The following FGFR4 variants were observed in gnomAD, a reference collection of about 807,000 sequenced individuals.
FGFR4 encodes fibroblast growth factor receptor 4.
In FGFR4, 63 loss-of-function variants were observed where a neutral mutation model predicts 89.9. The ratio of observed to expected loss-of-function variants is 0.70; its 90% CI spans 0.57 to 0.86. The LOEUF (loss-of-function observed/expected upper bound fraction) is 0.86. FGFR4 is among the 40% of genes least tolerant of loss of function. The probability of loss-of-function intolerance (pLI) is 0.00; values close to 1 mark genes in which losing one functional copy is unlikely to be tolerated. For synonymous variants in FGFR4, 486 were observed against 479.4 expected, an observed-to-expected ratio of 1.01 and a Z score of -0.18; for missense variants, 928 against 1,106.7, an observed-to-expected ratio of 0.84 and a Z score of 2.29.
In FGFR4 at chr5:177,096,042, C is replaced by A. The variant is rs1178310877; in HGVS notation, c.1822-15C>A. 7 of 1,610,924 alleles carry A rather than the reference C, an allele frequency of 4.3e-6. No homozygotes were observed. Among genetic ancestry groups the A allele is most frequent in the Non-Finnish European group, 5.9e-6 (7 of 1,178,670 alleles). ...GCCAGGTGTCCTGAGGCACCCAAGC[C>A]CCCGCTCCCTGCAGTGTATCCACCG... On this transcript the variant is annotated splice_polypyrimidine_tract_variant and intron_variant, in intron 13 of 17. Coordinates refer to ENST00000292408, the MANE Select transcript of FGFR4 (RefSeq NM_213647.3).
chr5:177,096,833 C>A, intron 16 of FGFR4, 92 bp downstream of exon 16: 1 of 1,438,042 alleles, frequency 7.0e-7, no homozygotes. Flanking sequence ...GCCAGAAGGA[C>A]AACACTAACA....
chr5:177,093,587 C>A lies in FGFR4; in HGVS notation c.1397+36C>A, dbSNP rs1473010197. 1.2e-6 allele frequency: 2 copies of A among 1,612,222 alleles called. No homozygotes were observed. The highest frequency in any genetic ancestry group is 2.7e-5 in the African/African-American group (2 of 74,912). On this transcript the variant is annotated intron_variant, in intron 10 of 17. Coordinates refer to ENST00000292408, the MANE Select transcript of FGFR4 (RefSeq NM_213647.3). The surrounding 1 kb of genome is among the most constrained non-coding windows in gnomAD (Gnocchi z 5.8). ...CTGTGTGGGGGCAGGGACGCGGGCG[C>A]CGGGTTGCAGCCCGCCCTCCGCAGG... is the stretch of plus-strand genomic sequence containing the variant.
In FGFR4 at chr5:177,093,567, T is replaced by TA; in HGVS notation, c.1397+16_1397+17insA. 2 of 1,612,634 alleles carry TA rather than the reference T, an allele frequency of 1.2e-6. No individual in the cohort carries two copies. The highest frequency in any genetic ancestry group is 1.7e-6 in the Non-Finnish European group (2 of 1,178,926). ...CCCGGGACAGGTGCGCTGAGCTGTG[T>TA]GGGGGCAGGGACGCGGGCGCCGGGT... On this transcript the variant is annotated intron_variant, in intron 10 of 17. Transcript: ENST00000292408. The surrounding 1 kb of genome is among the most constrained non-coding windows in gnomAD (Gnocchi z 5.8).
At position 177,097,292 on chromosome 5, in the gene FGFR4, G is replaced by A. The variant is rs200192467; in HGVS notation, c.2154G>A (p.Leu718=). 7.5e-6 allele frequency: 12 copies of A among 1,600,190 alleles called. No individual in the cohort carries two copies. In the Admixed American group the frequency reaches 1.5e-4, roughly 21 times the overall value. ...MDRPPHCPPE[L]YGLMRECWHA... is the part of the protein sequence containing the mutation. The stretch of plus-strand genomic sequence containing the variant: ...TGACCCTCCGCCCCACCTCTCGCAG[G>A]TACGGGCTGATGCGTGAGTGCTGGC... Residue 718 remains leucine, a splice_region_variant and synonymous_variant, in exon 17 of 18, where the codon CTG becomes CTA. Transcript: ENST00000292408.
At position 177,095,393 on chromosome 5, in the gene FGFR4, G is replaced by T; in HGVS notation, c.1583G>T (p.Gly528Val). 5 of 1,614,170 alleles carry T rather than the reference G, an allele frequency of 3.1e-6. No homozygotes were observed. Among genetic ancestry groups the T allele is most frequent in the East Asian group, 2.2e-5 (1 of 44,880 alleles). The change falls in exon 12 of 18, where the codon GGC becomes GTC. Residue 528 changes from glycine (G) to valine (V), a missense_variant. By Grantham distance (109) the Gly-to-Val change is moderately radical (BLOSUM62 -3). Coordinates refer to ENST00000292408, the MANE Select transcript of FGFR4 (RefSeq NM_213647.3). The surrounding 1 kb of genome is among the most constrained non-coding windows in gnomAD (Gnocchi z 5.7). ...VSEMEVMKLIGRHKNIINLLG... is the reference protein window; with the variant it reads ...VSEMEVMKLIVRHKNIINLLG... The stretch of plus-strand genomic sequence containing the variant: ...GAGATGGAGGTGATGAAGCTGATCG[G>T]CCGACACAAGAACATCATCAACCTG...
rs146533162 is a variant in FGFR4 at position 177,096,735 on chromosome 5, C to A, written c.2147C>A (p.Pro716Gln). ...ATGGACCGACCCCCACACTGCCCCCCAGAGCTGTGAGGCCTCACCCTGCCC... is the reference window on the plus strand; with the variant it reads ...ATGGACCGACCCCCACACTGCCCCCAAGAGCTGTGAGGCCTCACCCTGCCC... ...HRMDRPPHCPPELYGLMRECW... is the reference protein window; with the variant it reads ...HRMDRPPHCPQELYGLMRECW... Residue 716 changes from proline (P) to glutamine (Q), a missense_variant, in exon 16 of 18, where the codon CCA (proline) becomes CAA (glutamine). Coordinates refer to ENST00000292408, the MANE Select transcript of FGFR4 (RefSeq NM_213647.3). 9.9e-5 allele frequency: 157 copies of A among 1,578,284 alleles called. 2 individuals are homozygous for A. The African/African-American group carries it at 1.8e-3, about 18-fold the overall frequency.
At chr5:177,089,213 T>C in intron 1 of FGFR4, among the ~76,000 whole-genome samples, 1 of 152,166 alleles carries the variant, frequency 6.6e-6, no homozygotes, top group East Asian at 1.9e-4. Context: ...AAAAAAGAAA[T>C]TATGTGTGCC....
In FGFR4 at chr5:177,095,520, A is replaced by G; in HGVS notation, c.1631-13A>G. The G allele has an allele frequency of 6.2e-7, 1 of 1,610,912 alleles. No individual in the cohort carries two copies. The highest frequency in any genetic ancestry group is 8.5e-7 in the Non-Finnish European group (1 of 1,178,524). The stretch of plus-strand genomic sequence containing the variant: ...TTGGCAGCCTCTCCACGCTCCCTCC[A>G]CTCCCTCTGCAGGGCCCCTGTACGT... On this transcript the variant is annotated splice_polypyrimidine_tract_variant and intron_variant, in intron 12 of 17. Coordinates refer to ENST00000292408, the MANE Select transcript of FGFR4 (RefSeq NM_213647.3). This position sits in a 1 kb window ranked among gnomAD's most constrained non-coding sequence, Gnocchi z 5.7.
chr5:177,097,328 C>T lies in FGFR4; in HGVS notation c.2190C>T (p.Pro730=). 6.2e-7 allele frequency: 1 copy of T among 1,611,042 alleles called. No homozygotes were observed. Among genetic ancestry groups the T allele is most frequent in the Non-Finnish European group, 8.5e-7 (1 of 1,179,068 alleles). Residue 730 remains proline (P), a synonymous_variant, in exon 17 of 18, where the codon CCC becomes CCT. Coordinates refer to ENST00000292408, the MANE Select transcript of FGFR4 (RefSeq NM_213647.3). Reference sequence around the variant, plus strand: ...TGCGTGAGTGCTGGCACGCAGCGCCCTCCCAGAGGCCTACCTTCAAGCAGC... The same window carrying T: ...TGCGTGAGTGCTGGCACGCAGCGCCTTCCCAGAGGCCTACCTTCAAGCAGC... The part of the protein sequence containing the change: ...GLMRECWHAA[P]SQRPTFKQLV...
At position 177,093,909 on chromosome 5, in the gene FGFR4, A is replaced by C. The variant is rs1051335502; in HGVS notation, c.1519+134A>C. On this transcript the variant is annotated intron_variant, in intron 11 of 17. Transcript: ENST00000292408. The surrounding 1 kb of genome is among the most constrained non-coding windows in gnomAD (Gnocchi z 5.8). ...TGGCAAGACTTCATCTCTACAAAAA[A>C]AAAATAAGAAAATTAGTTGGGTGTG... 2.8e-4 allele frequency: 303 copies of C among 1,085,946 alleles called. No individual in the cohort carries two copies. The highest frequency in any genetic ancestry group is 3.8e-4 in the Non-Finnish European group (295 of 780,926). The allele number at this position is 1,085,946 out of a possible 1,614,324, so 67.3% of individuals were successfully genotyped here.
rs181385736 is a variant in FGFR4 at position 177,087,982 on chromosome 5, C to T, written c.-54+905C>T. Reference sequence around the variant, plus strand: ...GCTGGGCACAGGTAGCCATTAAGGGCTTGCAAGCTGGGGGGCATGACATGG... The same window carrying T: ...GCTGGGCACAGGTAGCCATTAAGGGTTTGCAAGCTGGGGGGCATGACATGG... On this transcript the variant is annotated intron_variant, in intron 1 of 17. Coordinates refer to ENST00000292408, the MANE Select transcript of FGFR4 (RefSeq NM_213647.3). This position sits in a 1 kb window ranked among gnomAD's most constrained non-coding sequence, Gnocchi z 6.1. Among the ~76,000 whole-genome samples, 18 of 152,302 alleles carry T rather than the reference C, an allele frequency of 1.2e-4. No homozygotes were observed. The highest frequency in any genetic ancestry group is 3.8e-4 in the African/African-American group (16 of 41,568).
In FGFR4 at chr5:177,095,952, CTG is replaced by C; in HGVS notation, c.1822-103_1822-102del. The C allele has an allele frequency of 6.8e-7, 1 of 1,465,604 alleles. No individual in the cohort carries two copies. The highest frequency in any genetic ancestry group is 2.4e-5 in the East Asian group (1 of 41,532). 90.8% of individuals were successfully genotyped at this position (1,465,604 alleles called of 1,614,324 possible). Reference sequence around the variant, plus strand: ...CGTTTCTAAACCTTGACCTCCTCCTCTGTAAAGTGGGTGGAGGGCCCCTGCCC... The same window carrying C: ...CGTTTCTAAACCTTGACCTCCTCCTCTAAAGTGGGTGGAGGGCCCCTGCCC... On this transcript the variant is annotated intron_variant, in intron 13 of 17. Transcript: ENST00000292408. The surrounding 1 kb of genome is among the most constrained non-coding windows in gnomAD (Gnocchi z 5.7).
chr5:177,088,847 A>G (rs1784251259), intron 1 of FGFR4, among the ~76,000 whole-genome samples: 1 of 96,002 alleles, frequency 1.0e-5, no homozygotes, highest in Middle Eastern at 4.7e-3. Flanking sequence ...TTTATCCTCA[A>G]AACAGTCCTA....
At position 177,097,347 on chromosome 5, in the gene FGFR4, A is replaced by G; in HGVS notation, c.2209A>G (p.Lys737Glu). 1 of 1,612,072 alleles carries G rather than the reference A, an allele frequency of 6.2e-7. No homozygotes were observed. The highest frequency in any genetic ancestry group is 1.1e-5 in the South Asian group (1 of 90,786). The change falls in exon 17 of 18, where the codon AAG becomes GAG. Residue 737 changes from lysine to glutamate, a missense_variant. By Grantham distance (56) the Lys-to-Glu change is moderately conservative. Coordinates refer to ENST00000292408, the MANE Select transcript of FGFR4 (RefSeq NM_213647.3). Reference protein sequence around the residue: ...HAAPSQRPTFKQLVEALDKVL... With the variant: ...HAAPSQRPTFEQLVEALDKVL... Reference sequence around the variant, plus strand: ...AGCGCCCTCCCAGAGGCCTACCTTCAAGCAGCTGGTGGAGGCGCTGGACAA... The same window carrying G: ...AGCGCCCTCCCAGAGGCCTACCTTCGAGCAGCTGGTGGAGGCGCTGGACAA...
chr5:177,095,822 C>A lies in FGFR4; in HGVS notation c.1821+99C>A. 7.5e-7 allele frequency: 1 copy of A among 1,328,154 alleles called. No homozygotes were observed. The highest frequency in any genetic ancestry group is 2.5e-5 in the East Asian group (1 of 39,580). 82.3% of individuals were successfully genotyped at this position (1,328,154 alleles called of 1,614,324 possible). ...CGACTTCTCCCTCTCTGCTCTTTTTCATGACCCCACCTCAGTGTCCCCAGG... is the reference window on the plus strand; with the variant it reads ...CGACTTCTCCCTCTCTGCTCTTTTTAATGACCCCACCTCAGTGTCCCCAGG... On this transcript the variant is annotated intron_variant, in intron 13 of 17. Transcript: ENST00000292408. This position sits in a 1 kb window ranked among gnomAD's most constrained non-coding sequence, Gnocchi z 5.7.
rs1411357505 is a variant in FGFR4, at chr5:177,090,556, A to C, written c.258A>C (p.Leu86=). The change falls in exon 3 of 18, where the codon CTA becomes CTC. Residue 86 remains leucine (L), a synonymous_variant. Transcript: ENST00000292408. ...AGRVRGWRGR[L]EIASFLPEDA... Reference sequence around the variant, plus strand: ...GTGTACGGGGCTGGAGGGGCCGCCTAGAGATTGCCAGCTTCCTACCTGAGG... The same window carrying C: ...GTGTACGGGGCTGGAGGGGCCGCCTCGAGATTGCCAGCTTCCTACCTGAGG... 4 of 1,526,872 alleles carry C rather than the reference A, an allele frequency of 2.6e-6. No individual in the cohort carries two copies. The Admixed American group carries it at 8.7e-5, about 33-fold the overall frequency. The allele number at this position is 1,526,872 out of a possible 1,614,324, so 94.6% of individuals were successfully genotyped here.
intron 16 of FGFR4, 181 bp from the exon 17 acceptor site, chr5:177,097,111 C>T (rs1302707001): frequency 2.1e-6 from 1 of 481,706 alleles, no homozygotes; most frequent in Non-Finnish European, 3.5e-6. Flanking sequence ...TGCTCCTCTT[C>T]CTCCTCCTCC....
At position 177,093,455 on chromosome 5, in the gene FGFR4, G is replaced by A. The variant is rs766706277; in HGVS notation, c.1301G>A (p.Arg434Gln). 2.5e-6 allele frequency: 4 copies of A among 1,614,030 alleles called. No homozygotes were observed. The South Asian group carries it at 3.3e-5, about 13-fold the overall frequency. Residue 434 changes from arginine (R) to glutamine (Q), a missense_variant, in exon 10 of 18, where the codon CGA (arginine) becomes CAA (glutamine). Arg to Gln is a conservative substitution (Grantham distance 43). This residue lies in a region of FGFR4 where 741 missense variants were observed against 836.9 expected (regional missense o/e 0.89). Transcript: ENST00000292408. This position sits in a 1 kb window ranked among gnomAD's most constrained non-coding sequence, Gnocchi z 5.8. ...SSGKSSSSLV[R>Q]GVRLSSSGPA... Reference sequence around the variant, plus strand: ...GGCAAGTCAAGCTCATCCCTGGTACGAGGCGTGCGTCTCTCCTCCAGCGGC... The same window carrying A: ...GGCAAGTCAAGCTCATCCCTGGTACAAGGCGTGCGTCTCTCCTCCAGCGGC...
At position 177,095,426 on chromosome 5, in the gene FGFR4, T is replaced by C. The variant is rs1435959743; in HGVS notation, c.1616T>C (p.Val539Ala). The C allele has an allele frequency of 6.2e-7, 1 of 1,614,018 alleles. No homozygotes were observed. The highest frequency in any genetic ancestry group is 1.3e-5 in the African/African-American group (1 of 74,924). The change falls in exon 12 of 18, where the codon GTC becomes GCC. Residue 539 changes from valine (V) to alanine (A), a missense_variant. By Grantham distance (64) the Val-to-Ala change is moderately conservative (BLOSUM62 0). This residue lies in a region of FGFR4 where 741 missense variants were observed against 836.9 expected (regional missense o/e 0.89). Transcript: ENST00000292408. This position sits in a 1 kb window ranked among gnomAD's most constrained non-coding sequence, Gnocchi z 5.7. ...AAGAACATCATCAACCTGCTTGGTGTCTGCACCCAGGAAGGTGGGGCCGAG... is the reference window on the plus strand; with the variant it reads ...AAGAACATCATCAACCTGCTTGGTGCCTGCACCCAGGAAGGTGGGGCCGAG... ...RHKNIINLLG[V>A]CTQEGPLYVI...
Sources: gnomAD v4.1 joint callset for allele counts (sites outside exome capture counted in the v4.1 genomes callset) on GRCh38, gnomAD v4.1.1 for gene constraint, gnomAD v4.1.1 regional missense constraint, Gnocchi (gnomAD v3.1) non-coding constraint, MANE v1.5 for transcripts, NCBI Gene and HGNC (gene_info 2026-07-23, HGNC 2026-07-21) for gene names.